The following EIF2AK4 variants were observed in gnomAD, a reference collection of about 807,000 sequenced individuals.
EIF2AK4 encodes the protein eIF-2-alpha kinase GCN2.
Under a neutral mutation model 211.1 loss-of-function variants are expected in EIF2AK4, and 139 were observed. The ratio of observed to expected loss-of-function variants is 0.66; its 90% CI spans 0.57 to 0.76. EIF2AK4 has a LOEUF of 0.76. Ranked by LOEUF, EIF2AK4 falls within the 30% of genes least tolerant of loss-of-function variation. The pLI, the probability that EIF2AK4 is intolerant of heterozygous loss-of-function variation, is 0.00. For missense variants in EIF2AK4, 1,664 were observed against 2,043.8 expected (o/e 0.81, Z 3.58); for synonymous variants, 710 against 751.3 (o/e 0.94, Z 0.90).
At chr15:39,992,037 A>G in intron 16 of EIF2AK4, 138 bp from the exon 17 acceptor site, 1 of 819,902 alleles carries the variant, frequency 1.2e-6, no homozygotes, top group East Asian at 2.8e-5. Context: ...ACTAGAAAAA[A>G]AATTAAAACT....
At chr15:39,968,891 T>TATATATACAC (rs139536340) in intron 9 of EIF2AK4, among the ~76,000 whole-genome samples, 4 of 149,116 alleles carry the variant, frequency 2.7e-5, no homozygotes, top group Admixed American at 1.3e-4. Flanking sequence ...TATATATATA[T>TATATATACAC]ACACACACAT....
chr15:39,978,218 G>T (rs2034728619), intron 13 of EIF2AK4, 71 bp downstream of exon 13: 6 of 850,236 alleles, frequency 7.1e-6, no homozygotes, highest in Non-Finnish European at 8.9e-6. Context: ...TAAACCTTAG[G>T]TAAAGTATTA....
chr15:39,961,268 C>T (rs2034468094), intron 6 of EIF2AK4, among the ~76,000 whole-genome samples: 1 of 152,188 alleles, frequency 6.6e-6, no homozygotes, highest in African/African-American at 2.4e-5. Flanking sequence ...GTGGCAGCTC[C>T]AACCCCCTCT....
rs2034026416 is a variant in EIF2AK4, at chr15:39,934,165, A to G, written c.-31A>G. ...GCCGGGGGCCCACCGCCGCCCAGGC[A>G]AGGCCGCCCTGCCTTGGGCGCAGCG... On this transcript the variant is annotated 5_prime_UTR_variant, in exon 1 of 39. Transcript: ENST00000263791. 32 of 1,342,874 alleles carry G rather than the reference A, an allele frequency of 2.4e-5. No individual in the cohort carries two copies. Among genetic ancestry groups the G allele is most frequent in the Non-Finnish European group, 3.0e-5 (32 of 1,051,366 alleles). The allele number at this position is 1,342,874 out of a possible 1,614,324, so 83.2% of individuals were successfully genotyped here.
chr15:40,020,773 T>G, intron 30 of EIF2AK4, 126 bp from the exon 31 acceptor site: 1 of 741,848 alleles, frequency 1.3e-6, no homozygotes, highest in Non-Finnish European at 2.0e-6. Context: ...TGGCACGCTG[T>G]GTTTCTATGC....
At position 40,009,635 on chromosome 15, in the gene EIF2AK4, T is replaced by G; in HGVS notation, c.3598T>G (p.Leu1200Val). The G allele has an allele frequency of 6.3e-7, 1 of 1,597,030 alleles. No homozygotes were observed. Among genetic ancestry groups the G allele is most frequent in the Non-Finnish European group, 8.5e-7 (1 of 1,174,122 alleles). Residue 1200 changes from leucine to valine, a missense_variant, in exon 26 of 39, where the codon TTG becomes GTG. Coordinates refer to ENST00000263791, the MANE Select transcript of EIF2AK4 (RefSeq NM_001013703.4). ...ALQERNYSIY[L>V]NHTMLLKAIL... ...CCAGGAAAGAAATTACAGTATTTAT[T>G]TGAACCATACCATGTTATTGAAAGC...
At chr15:39,999,599 C>G (rs1047881099) in intron 20 of EIF2AK4, among the ~76,000 whole-genome samples, 2 of 152,104 alleles carry the variant, frequency 1.3e-5, no homozygotes, top group African/African-American at 4.8e-5. Flanking sequence ...ATTTCCCTCA[C>G]CTATAAAATA....
At chr15:39,987,052 CT>C (rs1267561191) in intron 14 of EIF2AK4, among the ~76,000 whole-genome samples, 6 of 152,196 alleles carry the variant, frequency 3.9e-5, no homozygotes, top group Non-Finnish European at 8.8e-5. Flanking sequence ...TAGGTATTTG[CT>C]TTCCTGGAGT....
intron 18 of EIF2AK4, among the ~76,000 whole-genome samples, chr15:39,993,258 A>T (rs2034975961): frequency 6.6e-6 from 1 of 152,224 alleles, no homozygotes; most frequent in African/African-American, 2.4e-5. Context: ...AGAATGTGCA[A>T]ACCAACCCCT....
At chr15:40,022,758 C>T (rs1381509658) in intron 32 of EIF2AK4, among the ~76,000 whole-genome samples, 153 bp downstream of exon 32, 3 of 151,266 alleles carry the variant, frequency 2.0e-5, no homozygotes, top group Admixed American at 6.6e-5. Context: ...TTTTTTGAGA[C>T]GGAGTCTCGC....
At position 40,022,535 on chromosome 15, in the gene EIF2AK4, A is replaced by G; in HGVS notation, c.4319A>G (p.Gln1440Arg). Residue 1440 changes from glutamine (Q) to arginine (R), a missense_variant, in exon 32 of 39, where the codon CAA becomes CGA. Coordinates refer to ENST00000263791, the MANE Select transcript of EIF2AK4 (RefSeq NM_001013703.4). Reference protein sequence around the residue: ...YDWSQSQEELQEYCRHHEITY... With the variant: ...YDWSQSQEELREYCRHHEITY... ...TTGTTTCAGTCCCAAGAGGAATTAC[A>G]AGAGTACTGCAGACATCATGAAATC... 6.2e-7 allele frequency: 1 copy of G among 1,614,178 alleles called. No individual in the cohort carries two copies. The highest frequency in any genetic ancestry group is 2.2e-5 in the East Asian group (1 of 44,886).
At chr15:39,996,683 C>G (rs1399327988) in intron 18 of EIF2AK4, among the ~76,000 whole-genome samples, 1 of 152,062 alleles carries the variant, frequency 6.6e-6, no homozygotes. Context: ...TGCACTTCAG[C>G]CTGGGTGACA....
intron 33 of EIF2AK4, among the ~76,000 whole-genome samples, chr15:40,026,705 A>G (rs915060878): frequency 6.6e-6 from 1 of 152,226 alleles, no homozygotes; most frequent in Admixed American, 6.5e-5. Flanking sequence ...TCAGTCTGCT[A>G]ATCAGTGAAT....
At chr15:39,957,887 A>G (rs184134437) in intron 6 of EIF2AK4, among the ~76,000 whole-genome samples, 106 of 152,276 alleles carry the variant, frequency 7.0e-4, no homozygotes, top group Admixed American at 3.7e-3. Flanking sequence ...TTAACAAAAG[A>G]TGTTCACGCT....
intron 2 of EIF2AK4, among the ~76,000 whole-genome samples, chr15:39,941,092 T>TC (rs1259761854): frequency 6.6e-6 from 1 of 152,102 alleles, no homozygotes; most frequent in African/African-American, 2.4e-5. Flanking sequence ...CCTGGCACCC[T>TC]CCCAGCACCT....
intron 11 of EIF2AK4, chr15:39,974,924 A>G (rs190600421): frequency 6.6e-6 from 1 of 152,168 alleles, no homozygotes; most frequent in African/African-American, 2.4e-5. Context: ...TTTTCACTTC[A>G]GTAAATGAAT....
chr15:39,977,691 T>C (rs1290742920), intron 12 of EIF2AK4: 3 of 156,258 alleles, frequency 1.9e-5, no homozygotes, highest in African/African-American at 4.8e-5. Flanking sequence ...AAGAACTAAT[T>C]TGGAGTCTTG....
At chr15:40,002,885 T>G in intron 22 of EIF2AK4, 97 bp downstream of exon 22, 5 of 1,348,608 alleles carry the variant, frequency 3.7e-6, no homozygotes, top group Non-Finnish European at 5.2e-6. Context: ...TATTTTACTT[T>G]CAAATTCAGT....
chr15:39,945,832 G>C (rs1402056322), intron 3 of EIF2AK4, among the ~76,000 whole-genome samples: 1 of 152,132 alleles, frequency 6.6e-6, no homozygotes, highest in Admixed American at 6.5e-5. Flanking sequence ...GGACCGTTAA[G>C]AATTATGCTA....
Sources: gnomAD v4.1 joint callset for allele counts (sites outside exome capture counted in the v4.1 genomes callset) on GRCh38, gnomAD v4.1.1 for gene constraint, MANE v1.5 for transcripts, NCBI Gene and HGNC (gene_info 2026-07-23, HGNC 2026-07-21) for gene names.